Variants in HTRA1 observed in about 807,000 individuals in gnomAD.
The protein encoded by HTRA1 is HtrA serine peptidase 1, also known as serine protease HTRA1.
A neutral mutation model predicts 49.7 loss-of-function variants in HTRA1; 26 were observed. The ratio of observed to expected loss-of-function variants is 0.52; its 90% CI spans 0.38 to 0.73. The LOEUF is 0.73. HTRA1 is among the 30% of genes least tolerant of loss of function. The pLI is 0.00. For synonymous variants in HTRA1, 291 were observed against 286.9 expected (o/e 1.01, Z -0.14); for missense variants, 561 against 667.2 (o/e 0.84, Z 1.75).
At position 122,466,651 on chromosome 10, in the gene HTRA1, A is replaced by G. The variant is rs533863448; in HGVS notation, c.472+4527A>G. ...ACAATCACTGCTTCCCTGGGGTTGT[A>G]TTTTTCCATTGTTAAAGTGGGCAGT... On this transcript the variant is annotated intron_variant, in intron 1 of 8. Coordinates refer to ENST00000368984, the MANE Select transcript of HTRA1 (RefSeq NM_002775.5). Among the ~76,000 whole-genome samples the G allele has an allele frequency of 2.7e-3, 416 of 152,220 alleles. 1 individual carries two copies. The highest frequency in any genetic ancestry group is 9.6e-3 in the African/African-American group (399 of 41,512).
chr10:122,468,148 C>T (rs921625040), intron 1 of HTRA1, among the ~76,000 whole-genome samples: 3 of 152,120 alleles, frequency 2.0e-5, no homozygotes, highest in African/African-American at 7.2e-5. Context: ...TCAAGGTACT[C>T]GTGGTAGATA....
intron 7 of HTRA1, 106 bp downstream of exon 7, chr10:122,510,259 G>A (rs762327327): frequency 4.4e-5 from 39 of 880,900 alleles, no homozygotes; most frequent in East Asian, 1.5e-4. Context: ...GCCTTAAGAC[G>A]TCTCAGTTTC....
intron 1 of HTRA1, among the ~76,000 whole-genome samples, chr10:122,472,756 T>A (rs2097486722): frequency 6.6e-6 from 1 of 152,164 alleles, no homozygotes; most frequent in East Asian, 1.9e-4. Flanking sequence ...CCTGTTCACA[T>A]CCATTTGGGC....
rs1419954921 is a variant in HTRA1, at chr10:122,494,373, G to A, written c.777+4747G>A. ...GGAAGGCACCCGGGGCTCCTGCATCGAGCTTCCCTCCTATATTCAATGAGG... is the reference window on the plus strand; with the variant it reads ...GGAAGGCACCCGGGGCTCCTGCATCAAGCTTCCCTCCTATATTCAATGAGG... On this transcript the variant is annotated intron_variant, in intron 3 of 8. Transcript: ENST00000368984. The surrounding 1 kb of genome is among the most constrained non-coding windows in gnomAD (Gnocchi z 4.0). 6.6e-6 allele frequency among the ~76,000 whole-genome samples: 1 copy of A among 152,154 alleles called. No homozygotes were observed. The highest frequency in any genetic ancestry group is 2.1e-4 in the South Asian group (1 of 4,822).
At position 122,487,616 on chromosome 10, in the gene HTRA1, G is replaced by T. The variant is rs2097493637; in HGVS notation, c.473-1286G>T. ...GTAATATAAACGGTCATGCATCACT[G>T]AGCAACAGGGATACGTTCTGAGAAA... On this transcript the variant is annotated intron_variant, in intron 1 of 8. Transcript: ENST00000368984. This position sits in a 1 kb window ranked among gnomAD's most constrained non-coding sequence, Gnocchi z 4.8. Among the ~76,000 whole-genome samples, 1 of 152,186 alleles carries T rather than the reference G, an allele frequency of 6.6e-6. No individual in the cohort carries two copies. The highest frequency in any genetic ancestry group is 6.5e-5 in the Admixed American group (1 of 15,286).
At chr10:122,503,329 A>G (rs915982670) in intron 3 of HTRA1, among the ~76,000 whole-genome samples, 2 of 152,266 alleles carry the variant, frequency 1.3e-5, no homozygotes, top group Non-Finnish European at 2.9e-5. Flanking sequence ...CAGCAGAGGT[A>G]TAGCTGCTGA....
At chr10:122,479,108 C>T (rs563250506) in intron 1 of HTRA1, among the ~76,000 whole-genome samples, 2 of 152,292 alleles carry the variant, frequency 1.3e-5, no homozygotes, top group East Asian at 1.9e-4. Flanking sequence ...GAATACACTG[C>T]GTTCTGTTTT....
rs1338347930 is a variant in HTRA1 at position 122,490,333 on chromosome 10, G to GGTA, written c.777+707_777+708insGTA. Among the ~76,000 whole-genome samples the GGTA allele has an allele frequency of 2.0e-5, 3 of 152,254 alleles. No homozygotes were observed. Among genetic ancestry groups the GGTA allele is most frequent in the African/African-American group, 7.2e-5 (3 of 41,566 alleles). ...GCAGAACTGAGACATACCAAAATCA[G>GGTA]TTTGGGAAATGCTGTATTTGAAAAT... On this transcript the variant is annotated intron_variant, in intron 3 of 8. Transcript: ENST00000368984. This position sits in a 1 kb window ranked among gnomAD's most constrained non-coding sequence, Gnocchi z 4.2.
rs992113615 is a variant in HTRA1, at chr10:122,464,593, G to A, written c.472+2469G>A. 1.3e-5 allele frequency among the ~76,000 whole-genome samples: 2 copies of A among 152,234 alleles called. No homozygotes were observed. Among genetic ancestry groups the A allele is most frequent in the Non-Finnish European group, 2.9e-5 (2 of 68,052 alleles). ...AAACGGGAGGTGCTTGCGATACACAGCCATTCTGTTTTTCCTTAGTGGAAG... is the reference window on the plus strand; with the variant it reads ...AAACGGGAGGTGCTTGCGATACACAACCATTCTGTTTTTCCTTAGTGGAAG... On this transcript the variant is annotated intron_variant, in intron 1 of 8. Transcript: ENST00000368984. This position sits in a 1 kb window ranked among gnomAD's most constrained non-coding sequence, Gnocchi z 4.8.
rs1591023270 is a variant in HTRA1 at position 122,464,677 on chromosome 10, G to A, written c.472+2553G>A. Among the ~76,000 whole-genome samples the A allele has an allele frequency of 6.6e-6, 1 of 152,186 alleles. No individual in the cohort carries two copies. Among genetic ancestry groups the A allele is most frequent in the Admixed American group, 6.5e-5 (1 of 15,280 alleles). On this transcript the variant is annotated intron_variant, in intron 1 of 8. Coordinates refer to ENST00000368984, the MANE Select transcript of HTRA1 (RefSeq NM_002775.5). The surrounding 1 kb of genome is among the most constrained non-coding windows in gnomAD (Gnocchi z 4.8). ...ACACTCCACCCTTGACTTTTCGGAG[G>A]TGTTTCCGAGGACAGGCGCCTGGGA...
At chr10:122,505,874 C>T (rs528735375) in intron 3 of HTRA1, among the ~76,000 whole-genome samples, 42 of 152,358 alleles carry the variant, frequency 2.8e-4, no homozygotes, top group African/African-American at 8.9e-4. Context: ...TAGGGAGGCC[C>T]TTCTGTGGTT....
rs2097493603 is a variant in HTRA1 at position 122,487,554 on chromosome 10, T to C, written c.473-1348T>C. 6.6e-6 allele frequency among the ~76,000 whole-genome samples: 1 copy of C among 152,204 alleles called. No individual in the cohort carries two copies. On this transcript the variant is annotated intron_variant, in intron 1 of 8. Transcript: ENST00000368984. This position sits in a 1 kb window ranked among gnomAD's most constrained non-coding sequence, Gnocchi z 4.8. ...GGACATGTGACAGCTTTGTTGAAAG[T>C]AGCTTTGGAAACGCCCACCACGTGG...
intron 1 of HTRA1, among the ~76,000 whole-genome samples, chr10:122,478,593 C>T (rs1354996763): frequency 1.3e-5 from 2 of 151,916 alleles, no homozygotes; most frequent in South Asian, 2.1e-4. Context: ...AGGGTTTCAC[C>T]GTGTTAGCCA....
At chr10:122,493,348 A>G (rs1007104995) in intron 3 of HTRA1, among the ~76,000 whole-genome samples, 6 of 152,362 alleles carry the variant, frequency 3.9e-5, no homozygotes, top group Non-Finnish European at 8.8e-5. Flanking sequence ...AAGTCGGGAC[A>G]GTGTGCGTGT....
intron 3 of HTRA1, among the ~76,000 whole-genome samples, chr10:122,489,873 G>T (rs1392096445): frequency 6.6e-6 from 1 of 152,126 alleles, no homozygotes; most frequent in Non-Finnish European, 1.5e-5. Flanking sequence ...GTTTGTCAAA[G>T]AAAGCAATAG....
chr10:122,461,920 G>C lies in HTRA1; in HGVS notation c.268G>C (p.Val90Leu), dbSNP rs773640307. The change falls in exon 1 of 9, where the codon GTG (valine) becomes CTG (leucine). Residue 90 changes from valine (V) to leucine (L), a missense_variant. Val to Leu is a conservative substitution (Grantham distance 32, BLOSUM62 1). This residue lies in a region of HTRA1 where 271 missense variants were observed against 410.0 expected (regional missense o/e 0.66). Coordinates refer to ENST00000368984, the MANE Select transcript of HTRA1 (RefSeq NM_002775.5). ...EGPCGEGLQC[V>L]VPFGVPASAT... ...CCCGTGCGGCGAGGGGCTGCAGTGC[G>C]TGGTGCCCTTCGGGGTGCCAGCCTC... 6.8e-7 allele frequency: 1 copy of C among 1,473,228 alleles called. No individual in the cohort carries two copies. The allele number at this position is 1,473,228 out of a possible 1,614,324, so 91.3% of individuals were successfully genotyped here.
In HTRA1 at chr10:122,461,644, A is replaced by G; in HGVS notation, c.-9A>G. The G allele has an allele frequency of 1.5e-6, 2 of 1,302,976 alleles. No individual in the cohort carries two copies. Among genetic ancestry groups the G allele is most frequent in the Non-Finnish European group, 2.0e-6 (2 of 1,008,882 alleles). 80.7% of individuals were successfully genotyped at this position (1,302,976 alleles called of 1,614,324 possible). The stretch of plus-strand genomic sequence containing the variant: ...GTCCGCCGCCACCGCCGCCGCCGCC[A>G]GAGTCGCCATGCAGATCCCGCGCGC... On this transcript the variant is annotated 5_prime_UTR_variant, in exon 1 of 9. Coordinates refer to ENST00000368984, the MANE Select transcript of HTRA1 (RefSeq NM_002775.5).
intron 3 of HTRA1, among the ~76,000 whole-genome samples, chr10:122,491,444 G>A (rs538605032): frequency 8.5e-5 from 13 of 152,354 alleles, no homozygotes; most frequent in East Asian, 7.7e-4. Context: ...CTGTGGCCAC[G>A]CGTGGGACCT....
At position 122,464,258 on chromosome 10, in the gene HTRA1, T is replaced by G. The variant is rs145630012; in HGVS notation, c.472+2134T>G. Among the ~76,000 whole-genome samples the G allele has an allele frequency of 0.023, 3,450 of 152,292 alleles. 125 individuals are homozygous for G. Among genetic ancestry groups the G allele is most frequent in the Non-Finnish European group, 0.025 (1,688 of 68,026 alleles). On this transcript the variant is annotated intron_variant, in intron 1 of 8. Transcript: ENST00000368984. The surrounding 1 kb of genome is among the most constrained non-coding windows in gnomAD (Gnocchi z 4.8). ...CCTAATTTATTGCTAGTGAGGCAAGTTGCTTAACAAGTTTTGGAGTTGGCT... is the reference window on the plus strand; with the variant it reads ...CCTAATTTATTGCTAGTGAGGCAAGGTGCTTAACAAGTTTTGGAGTTGGCT...
Sources: allele counts gnomAD v4.1 joint callset (sites outside exome capture counted in the v4.1 genomes callset), GRCh38; gene constraint gnomAD v4.1.1; regional missense constraint gnomAD v4.1.1; non-coding constraint Gnocchi (gnomAD v3.1); transcripts MANE v1.5; gene names NCBI Gene and HGNC (gene_info 2026-07-23, HGNC 2026-07-21).